The following NYAP2 variants were observed in gnomAD, a reference collection of about 807,000 sequenced individuals.
NYAP2 encodes the protein neuronal tyrosine-phosphorylated phosphoinositide-3-kinase adapter 2.
In NYAP2, 23 loss-of-function variants were observed where a neutral mutation model predicts 50.4. That is an observed-to-expected ratio of 0.46 (90% CI 0.33 to 0.65). NYAP2 has a LOEUF of 0.65. NYAP2 is among the 30% of genes least tolerant of loss of function. NYAP2 has a pLI of 0.02. For missense variants in NYAP2, 885 were observed against 861.0 expected, an observed-to-expected ratio of 1.03 and a Z score of -0.35; for synonymous variants, 394 against 365.2, an observed-to-expected ratio of 1.08 and a Z score of -0.90.
chr2:225,518,794 G>T (rs1690989606), intron 4 of NYAP2, among the ~76,000 whole-genome samples: 1 of 151,154 alleles, frequency 6.6e-6, no homozygotes, highest in Non-Finnish European at 1.5e-5. Flanking sequence ...CTAGACAGGT[G>T]GATTATTGGA....
intron 4 of NYAP2, among the ~76,000 whole-genome samples, chr2:225,528,408 C>T (rs1691193300): frequency 6.6e-6 from 1 of 152,172 alleles, no homozygotes; most frequent in African/African-American, 2.4e-5. Context: ...AATCATCCCG[C>T]CGCAAAGTGC....
rs752673261 is a variant in NYAP2, at chr2:225,556,392, G to C, written c.524-25549G>C. 1.8e-4 allele frequency among the ~76,000 whole-genome samples: 28 copies of C among 152,074 alleles called. 1 individual carries two copies. Among genetic ancestry groups the C allele is most frequent in the Non-Finnish European group, 4.0e-4 (27 of 68,028 alleles). ...AGCTGTTGCAAACTCAATTTTACTG[G>C]CTTAACAAAATACAAATTTCATTAT... On this transcript the variant is annotated intron_variant, in intron 4 of 6. Coordinates refer to ENST00000636099, the Ensembl canonical transcript of NYAP2.
At chr2:225,432,379 G>A (rs1026611403) in intron 3 of NYAP2, among the ~76,000 whole-genome samples, 2 of 150,406 alleles carry the variant, frequency 1.3e-5, no homozygotes. Context: ...ATATATATAT[G>A]TTCAGATTTG....
chr2:225,584,620 C>T (rs1311565113), intron 5 of NYAP2, among the ~76,000 whole-genome samples: 1 of 152,168 alleles, frequency 6.6e-6, no homozygotes, highest in African/African-American at 2.4e-5. Context: ...ACTCTCAATA[C>T]TTTTGATGAT....
intron 6 of NYAP2, among the ~76,000 whole-genome samples, chr2:225,628,361 G>T (rs1264426054): frequency 9.5e-5 from 10 of 105,344 alleles, no homozygotes; most frequent in Non-Finnish European, 1.8e-4. Flanking sequence ...CACTCTTGTT[G>T]CCCAGGCTGG....
downstream of NYAP2, among the ~76,000 whole-genome samples, chr2:225,657,633 A>C (rs189171027): frequency 6.6e-6 from 1 of 152,114 alleles, no homozygotes; most frequent in African/African-American, 2.4e-5. Context: ...AAAAACAAAA[A>C]CCAAAACACC....
chr2:225,411,619 A>C (rs965211812), intron 3 of NYAP2, among the ~76,000 whole-genome samples: 3 of 152,104 alleles, frequency 2.0e-5, no homozygotes, highest in South Asian at 4.2e-4. Context: ...TAAAAAAAAA[A>C]CCCAGGGTTG....
intron 5 of NYAP2, among the ~76,000 whole-genome samples, chr2:225,625,665 C>A (rs1029551353): frequency 3.3e-5 from 5 of 151,848 alleles, no homozygotes; most frequent in African/African-American, 7.3e-5. Flanking sequence ...AACCTACAAC[C>A]AATGTAATAC....
rs146558422 is a variant in NYAP2 at position 225,480,038 on chromosome 2, G to A, written c.222-33333G>A. Among the ~76,000 whole-genome samples the A allele has an allele frequency of 2.3e-3, 357 of 152,134 alleles. 2 individuals carry two copies. The highest frequency in any genetic ancestry group is 8.1e-3 in the African/African-American group (337 of 41,510). ...GCCAAGTAACTTTGGTAAAAGTTAAGTCAATCAAAGTATGTATTACTTTCT... is the reference window on the plus strand; with the variant it reads ...GCCAAGTAACTTTGGTAAAAGTTAAATCAATCAAAGTATGTATTACTTTCT... On this transcript the variant is annotated intron_variant, in intron 3 of 6. Transcript: ENST00000636099.
the NYAP2 span, among the ~76,000 whole-genome samples, chr2:225,673,991 C>T: frequency 6.6e-6 from 1 of 150,462 alleles, no homozygotes; most frequent in Non-Finnish European, 1.5e-5. Flanking sequence ...CACAAATTTC[C>T]CCTGTGATGA....
intron 3 of NYAP2, among the ~76,000 whole-genome samples, chr2:225,446,458 C>T (rs756139454): frequency 2.0e-5 from 3 of 151,090 alleles, no homozygotes; most frequent in Non-Finnish European, 4.4e-5. Context: ...AAACAAAAAC[C>T]CAAAAACCAA....
At chr2:225,645,471 G>T (rs1171148036) in intron 6 of NYAP2, among the ~76,000 whole-genome samples, 1 of 149,894 alleles carries the variant, frequency 6.7e-6, no homozygotes, top group Non-Finnish European at 1.5e-5. Flanking sequence ...CTTCCTCTCT[G>T]TTTCCCTCCT....
chr2:225,689,297 C>T, the NYAP2 span, among the ~76,000 whole-genome samples: 10 of 152,042 alleles, frequency 6.6e-5, no homozygotes, highest in Non-Finnish European at 1.2e-4. Context: ...TTTATAATCA[C>T]GTAACTGTCT....
At chr2:225,695,324 T>A in the NYAP2 span, among the ~76,000 whole-genome samples, 1 of 151,910 alleles carries the variant, frequency 6.6e-6, no homozygotes, top group Non-Finnish European at 1.5e-5. Context: ...CATGACTTAA[T>A]GTTTGTGTAG....
the NYAP2 span, among the ~76,000 whole-genome samples, chr2:225,667,722 A>C: frequency 6.6e-6 from 1 of 152,196 alleles, no homozygotes; most frequent in Admixed American, 6.5e-5. Context: ...TCTTAACCCA[A>C]ATGAATCTTC....
intron 4 of NYAP2, among the ~76,000 whole-genome samples, chr2:225,559,336 A>G (rs1420646783): frequency 1.1e-5 from 1 of 90,152 alleles, no homozygotes; most frequent in Non-Finnish European, 2.3e-5. Flanking sequence ...AAATGAAGGC[A>G]TTGTACAAAT....
intron 5 of NYAP2, among the ~76,000 whole-genome samples, chr2:225,604,354 A>G (rs560131375): frequency 6.6e-6 from 1 of 152,292 alleles, no homozygotes; most frequent in South Asian, 2.1e-4. Context: ...GTGATTCCCT[A>G]TTCTACATCC....
intron 5 of NYAP2, among the ~76,000 whole-genome samples, chr2:225,610,491 T>A (rs1692863484): frequency 6.6e-6 from 1 of 152,162 alleles, no homozygotes; most frequent in Non-Finnish European, 1.5e-5. Context: ...CATGTGAATT[T>A]TAAGGGGAGT....
chr2:225,403,969 G>A (rs1351240608), intron 2 of NYAP2, among the ~76,000 whole-genome samples: 4 of 151,958 alleles, frequency 2.6e-5, no homozygotes, highest in African/African-American at 7.2e-5. Context: ...GCTTAACCAT[G>A]TATGAGAAGG....
Sources: gnomAD v4.1 joint callset for allele counts (sites outside exome capture counted in the v4.1 genomes callset) on GRCh38, gnomAD v4.1.1 for gene constraint, MANE v1.5 for transcripts, NCBI Gene and HGNC (gene_info 2026-07-23, HGNC 2026-07-21) for gene names.